Variants in MAP3K15 observed in about 807,000 individuals in gnomAD.
The protein encoded by MAP3K15 is mitogen-activated protein kinase kinase kinase 15, also known as MAPK/ERK kinase kinase 15.
A neutral mutation model predicts 99.5 loss-of-function variants in MAP3K15; 124 were observed. The observed-to-expected ratio is 1.25, with a 90% CI of 1.08 to 1.45. MAP3K15 has a LOEUF of 1.45. Among genes scored for constraint, MAP3K15 ranks in the 40% most tolerant of loss-of-function variants. The pLI, the probability that MAP3K15 is intolerant of heterozygous loss-of-function variation, is 0.00. For synonymous variants in MAP3K15, 494 were observed against 439.6 expected, an observed-to-expected ratio of 1.12 and a Z score of -1.55; for missense variants, 1,242 against 1,079.7, an observed-to-expected ratio of 1.15 and a Z score of -2.11.
At chrX:19,439,277 C>T (rs2063943624) in intron 6 of MAP3K15, among the ~76,000 whole-genome samples, 1 of 111,886 alleles carries the variant, frequency 8.9e-6, no homozygotes, top group African/African-American at 3.2e-5. Context: ...CATGCTTGTA[C>T]AGTCTGCAGA....
chrX:19,509,563 G>T (rs2064504156), intron 1 of MAP3K15, among the ~76,000 whole-genome samples: 1 of 111,944 alleles, frequency 8.9e-6, no homozygotes, highest in African/African-American at 3.2e-5. Context: ...AAGATACAAT[G>T]TACCAGAATC....
chrX:19,489,379 C>T (rs2064351234), intron 1 of MAP3K15, among the ~76,000 whole-genome samples: 1 of 111,272 alleles, frequency 9.0e-6, no homozygotes, highest in Admixed American at 9.6e-5. Flanking sequence ...CTGATCACAT[C>T]TCCTCCCTCC....
At chrX:19,374,930 T>C (rs750349849) in intron 19 of MAP3K15, among the ~76,000 whole-genome samples, 5 of 111,173 alleles carry the variant, frequency 4.5e-5, no homozygotes, top group Non-Finnish European at 9.4e-5. Context: ...GTCTTGTGGC[T>C]CCGCTAGTCA....
intron 24 of MAP3K15, 115 bp downstream of exon 24, chrX:19,370,844 C>A: frequency 1.7e-6 from 1 of 594,261 alleles, no homozygotes; most frequent in Non-Finnish European, 2.8e-6. Context: ...CATTTAATTC[C>A]AAGGAAGTAG....
intron 7 of MAP3K15, among the ~76,000 whole-genome samples, chrX:19,428,733 G>A (rs899931353): frequency 3.6e-5 from 4 of 111,817 alleles, no homozygotes; most frequent in Non-Finnish European, 5.6e-5. Flanking sequence ...TCGAGAGGCC[G>A]AGGTAGGTGG....
At chrX:19,511,766 C>T (rs2064520530) in intron 1 of MAP3K15, among the ~76,000 whole-genome samples, 1 of 111,769 alleles carries the variant, frequency 8.9e-6, no homozygotes, top group Non-Finnish European at 1.9e-5. Flanking sequence ...GTGGCAATTC[C>T]TCAAGGATCT....
At chrX:19,465,010 G>C (rs953279769) in intron 3 of MAP3K15, among the ~76,000 whole-genome samples, 1 of 110,139 alleles carries the variant, frequency 9.1e-6, no homozygotes, top group African/African-American at 3.3e-5. Flanking sequence ...TCCCACCTCA[G>C]CCTCCCTAGT....
At chrX:19,391,375 C>T (rs918222675) in intron 18 of MAP3K15, among the ~76,000 whole-genome samples, 16 of 111,330 alleles carry the variant, frequency 1.4e-4, no homozygotes, top group African/African-American at 5.2e-4. Flanking sequence ...GAGTGACCTT[C>T]AGAAAGCCTC....
chrX:19,411,315 CAT>C (rs1390601458), intron 11 of MAP3K15, among the ~76,000 whole-genome samples: 1 of 112,375 alleles, frequency 8.9e-6, no homozygotes, highest in African/African-American at 3.2e-5. Flanking sequence ...TGAATAGGCA[CAT>C]GACTAGTTTC....
chrX:19,429,188 T>C (rs2147308315), intron 7 of MAP3K15, among the ~76,000 whole-genome samples: 1 of 110,777 alleles, frequency 9.0e-6, no homozygotes, highest in Non-Finnish European at 1.9e-5. Flanking sequence ...AATTTTTATA[T>C]AGCAGGGAGC....
intron 3 of MAP3K15, among the ~76,000 whole-genome samples, chrX:19,477,433 G>C (rs1315522685): frequency 9.0e-6 from 1 of 111,596 alleles, no homozygotes; most frequent in African/African-American, 3.2e-5. Context: ...GCTGGGCATG[G>C]TGGCTCATGC....
Position 19,424,319 on chromosome X carries a change from CAT to C in MAP3K15, c.1439+1210_1439+1211del, listed in dbSNP as rs754188009. Among the ~76,000 whole-genome samples, 263 of 103,963 alleles carry C rather than the reference CAT, an allele frequency of 2.5e-3. 4 individuals carry two copies. The highest frequency in any genetic ancestry group is 8.0e-3 in the African/African-American group (223 of 28,023). 90.3% of individuals were successfully genotyped at this position (103,963 alleles called of 115,157 possible). On this transcript the variant is annotated intron_variant, in intron 9 of 28. Transcript: ENST00000338883. ...ACATATATATACACACATATATATA[CAT>C]ATATATATATATTTTTTTATGCTTT...
In MAP3K15 at chrX:19,514,984, G is replaced by T; in HGVS notation, c.278C>A (p.Ala93Asp). 1 of 1,124,989 alleles carries T rather than the reference G, an allele frequency of 8.9e-7. No homozygotes were observed. The highest frequency in any genetic ancestry group is 2.7e-5 in the Admixed American group (1 of 37,094). The allele number at this position is 1,124,989 out of a possible 1,213,427, so 92.7% of individuals were successfully genotyped here. A position where few individuals can be genotyped will look rare whatever the true frequency, so the allele number is the denominator to read the frequency against. The change falls in exon 1 of 29, where the codon GCC becomes GAC. Residue 93 changes from alanine to aspartate, a missense_variant. Ala to Asp is a moderately radical substitution (Grantham distance 126, BLOSUM62 -2). Coordinates refer to ENST00000338883, the MANE Select transcript of MAP3K15 (RefSeq NM_001001671.4). Reference protein sequence around the residue: ...ARQCLLRACEAEGAHLTSVPF... With the variant: ...ARQCLLRACEDEGAHLTSVPF... ...CACGGAGGTGAGGTGAGCGCCCTCG[G>T]CCTCGCAGGCCCGCAGCAGGCACTG...
chrX:19,421,877 A>G (rs1458449897), intron 9 of MAP3K15, among the ~76,000 whole-genome samples: 2 of 109,580 alleles, frequency 1.8e-5, no homozygotes, highest in Non-Finnish European at 3.8e-5. Context: ...ATAATGCCGC[A>G]TAGCTACAAC....
At chrX:19,420,576 G>GA (rs1326371955) in intron 9 of MAP3K15, among the ~76,000 whole-genome samples, 1 of 111,608 alleles carries the variant, frequency 9.0e-6, no homozygotes, top group East Asian at 2.8e-4. Context: ...AGGACCAGAT[G>GA]AATTCACAGC....
chrX:19,490,170 CACACACACACACACAT>C (rs1009743753), intron 1 of MAP3K15, among the ~76,000 whole-genome samples: 6 of 86,101 alleles, frequency 7.0e-5, no homozygotes, highest in South Asian at 4.2e-4. Flanking sequence ...CACACACACA[CACACACACACACACAT>C]ACATACAAAA....
rs751411549 is a variant in MAP3K15, at chrX:19,468,684, T to C, written c.526-4278A>G. Among the ~76,000 whole-genome samples, 54 of 111,866 alleles carry C rather than the reference T, an allele frequency of 4.8e-4. No individual in the cohort carries two copies. In the East Asian group the frequency reaches 0.014, roughly 30 times the overall value. On this transcript the variant is annotated intron_variant, in intron 3 of 28. Transcript: ENST00000338883. ...CATTGGTAGCTTGATGGGGATGGCA[T>C]TGAATCTATAAATTACCTTGGGCAG...
At chrX:19,410,311 C>T (rs1340744154) in intron 11 of MAP3K15, among the ~76,000 whole-genome samples, 3 of 112,524 alleles carry the variant, frequency 2.7e-5, no homozygotes, top group Admixed American at 1.9e-4. Flanking sequence ...GGGACTAGCC[C>T]ACCTAAGTTG....
intron 1 of MAP3K15, among the ~76,000 whole-genome samples, chrX:19,490,180 C>T (rs184659854): frequency 0.023 from 2,174 of 95,106 alleles, 64 homozygotes; most frequent in African/African-American, 0.073. Context: ...CACACACACA[C>T]ACACATACAT....
Sources: allele counts gnomAD v4.1 joint callset (sites outside exome capture counted in the v4.1 genomes callset), GRCh38; gene constraint gnomAD v4.1.1; transcripts MANE v1.5; gene names NCBI Gene and HGNC (gene_info 2026-07-23, HGNC 2026-07-21).